Variants in LDB2 observed in about 807,000 individuals in gnomAD.
The protein encoded by LDB2 is LIM domain binding 2.
In LDB2, 12 loss-of-function variants were observed where a neutral mutation model predicts 44.3. That is an observed-to-expected ratio of 0.27 (90% confidence interval 0.17 to 0.44). The LOEUF (loss-of-function observed/expected upper bound fraction) is 0.44, where lower values mean the gene tolerates loss of function less well. LDB2 is among the 20% of genes least tolerant of loss of function. LDB2 has a pLI of 1.00. For missense variants in LDB2, 344 were observed against 473.5 expected, an observed-to-expected ratio of 0.73 and a Z score of 2.54; for synonymous variants, 164 against 174.8, an observed-to-expected ratio of 0.94 and a Z score of 0.49.
intron 2 of LDB2, chr4:16,741,310 C>T (rs1466632785): frequency 6.6e-6 from 1 of 152,172 alleles, no homozygotes; most frequent in African/African-American, 2.4e-5. Context: ...AAGTATAGTG[C>T]CAGGTGAAAT....
chr4:16,793,398 G>A (rs1397265081), intron 1 of LDB2, among the ~76,000 whole-genome samples: 1 of 152,062 alleles, frequency 6.6e-6, no homozygotes, highest in Admixed American at 6.6e-5. Flanking sequence ...GGTATTTTGT[G>A]CTTAATTATA....
chr4:16,672,607 T>C (rs554747953), intron 2 of LDB2, among the ~76,000 whole-genome samples: 1 of 152,324 alleles, frequency 6.6e-6, no homozygotes, highest in South Asian at 2.1e-4. Flanking sequence ...AGGCAGCAGC[T>C]ACAGCACAAA....
At chr4:16,664,761 G>C (rs1742557683) in intron 2 of LDB2, among the ~76,000 whole-genome samples, 2 of 152,198 alleles carry the variant, frequency 1.3e-5, no homozygotes, top group Non-Finnish European at 2.9e-5. Flanking sequence ...TCAGGTGCCT[G>C]CATTGTAATG....
At chr4:16,737,816 T>G (rs1379235551) in intron 2 of LDB2, among the ~76,000 whole-genome samples, 3 of 152,200 alleles carry the variant, frequency 2.0e-5, no homozygotes, top group Non-Finnish European at 4.4e-5. Flanking sequence ...ATGGATAATT[T>G]TTACTATCCT....
chr4:16,601,454 T>G (rs140290284), intron 2 of LDB2, among the ~76,000 whole-genome samples: 79 of 152,276 alleles, frequency 5.2e-4, no homozygotes, highest in African/African-American at 1.8e-3. Flanking sequence ...TCATAAAATG[T>G]GGAGTAAGAG....
intron 5 of LDB2, among the ~76,000 whole-genome samples, chr4:16,520,038 T>C (rs1235841029): frequency 6.6e-6 from 1 of 151,998 alleles, no homozygotes; most frequent in Non-Finnish European, 1.5e-5. Flanking sequence ...CACATGGCAT[T>C]TTAGTAGCTA....
At chr4:16,661,905 G>A (rs1223439773) in intron 2 of LDB2, among the ~76,000 whole-genome samples, 2 of 152,124 alleles carry the variant, frequency 1.3e-5, no homozygotes, top group Non-Finnish European at 2.9e-5. Context: ...CTTGTTCCCT[G>A]GGAACTTTAA....
At chr4:16,676,929 A>G (rs1043430017) in intron 2 of LDB2, among the ~76,000 whole-genome samples, 5 of 152,194 alleles carry the variant, frequency 3.3e-5, no homozygotes, top group African/African-American at 1.2e-4. Context: ...CAGGTGCCAG[A>G]TGGTGAGGCC....
intron 5 of LDB2, among the ~76,000 whole-genome samples, chr4:16,554,270 G>A (rs527442790): frequency 1.3e-5 from 2 of 152,092 alleles, no homozygotes; most frequent in East Asian, 1.9e-4. Flanking sequence ...GGCTGGTCTC[G>A]AACTCCCAGC....
chr4:16,813,412 A>C (rs1383673678), intron 1 of LDB2, among the ~76,000 whole-genome samples: 1 of 152,198 alleles, frequency 6.6e-6, no homozygotes, highest in Non-Finnish European at 1.5e-5. Flanking sequence ...GTGAATACTC[A>C]GTAAATACGA....
At chr4:16,790,462 T>C (rs1473864745) in intron 1 of LDB2, among the ~76,000 whole-genome samples, 1 of 152,038 alleles carries the variant, frequency 6.6e-6, no homozygotes, top group East Asian at 1.9e-4. Context: ...GTAGAGGAAA[T>C]GATTGATATT....
intron 1 of LDB2, among the ~76,000 whole-genome samples, chr4:16,868,892 A>C (rs1269122033): frequency 6.6e-6 from 1 of 152,092 alleles, no homozygotes; most frequent in Non-Finnish European, 1.5e-5. Context: ...GATGATGATG[A>C]TGTTGATGAA....
intron 5 of LDB2, among the ~76,000 whole-genome samples, chr4:16,514,331 A>T (rs936086316): frequency 2.2e-4 from 34 of 152,328 alleles, no homozygotes; most frequent in African/African-American, 7.7e-4. Context: ...ACACTTTTGT[A>T]TCCCTATGCC....
At chr4:16,635,161 G>A (rs553235600) in intron 2 of LDB2, among the ~76,000 whole-genome samples, 19 of 152,216 alleles carry the variant, frequency 1.2e-4, no homozygotes, top group African/African-American at 4.6e-4. Flanking sequence ...AGCAAGGGGA[G>A]GGATAACATC....
chr4:16,749,558 C>CAAA (rs1287627062), intron 2 of LDB2, among the ~76,000 whole-genome samples: 1 of 75,530 alleles, frequency 1.3e-5, no homozygotes, highest in Non-Finnish European at 2.7e-5. Flanking sequence ...GACTCCATCT[C>CAAA]AAAAAAAAAA....
At chr4:16,674,737 G>C (rs1431776175) in intron 2 of LDB2, among the ~76,000 whole-genome samples, 1 of 152,020 alleles carries the variant, frequency 6.6e-6, no homozygotes, top group Non-Finnish European at 1.5e-5. Context: ...GAGTAAACTT[G>C]TTAATGTCAT....
At chr4:16,689,531 C>A (rs1049967112) in intron 2 of LDB2, among the ~76,000 whole-genome samples, 3 of 152,158 alleles carry the variant, frequency 2.0e-5, no homozygotes, top group African/African-American at 7.2e-5. Context: ...TATCTCCAGG[C>A]CTTACACAAA....
At chr4:16,504,148 A>G (rs1184526340) in intron 7 of LDB2, among the ~76,000 whole-genome samples, 1 of 152,198 alleles carries the variant, frequency 6.6e-6, no homozygotes, top group African/African-American at 2.4e-5. Flanking sequence ...GGCTAATTCA[A>G]TAAAATATTT....
intron 1 of LDB2, among the ~76,000 whole-genome samples, chr4:16,804,834 T>C (rs1221236499): frequency 1.3e-5 from 2 of 152,246 alleles, no homozygotes; most frequent in Non-Finnish European, 2.9e-5. Context: ...GTTGAATATA[T>C]GTCTGCCTTG....
Sources: allele counts gnomAD v4.1 joint callset (sites outside exome capture counted in the v4.1 genomes callset), GRCh38; gene constraint gnomAD v4.1.1; transcripts MANE v1.5; gene names NCBI Gene and HGNC (gene_info 2026-07-23, HGNC 2026-07-21).